Variants in FANCI observed in about 807,000 individuals in gnomAD.
FANCI encodes Fanconi anemia group I protein.
In FANCI, 156 loss-of-function variants were observed where a neutral mutation model predicts 176.1. The observed-to-expected ratio is 0.89, with a 90% CI of 0.78 to 1.01. The LOEUF (loss-of-function observed/expected upper bound fraction) is 1.01. Ranked by LOEUF, FANCI falls within the 50% of genes least tolerant of loss-of-function variation. The probability of loss-of-function intolerance (pLI) is 0.00; values close to 1 mark genes in which losing one functional copy is unlikely to be tolerated. For missense variants in FANCI, 1,678 were observed against 1,534.1 expected, an observed-to-expected ratio of 1.09 and a Z score of -1.57; for synonymous variants, 613 against 541.7, an observed-to-expected ratio of 1.13 and a Z score of -1.83.
intron 18 of FANCI, among the ~76,000 whole-genome samples, chr15:89,288,879 G>A (rs896354309): frequency 3.3e-5 from 5 of 151,692 alleles, no homozygotes; most frequent in African/African-American, 1.2e-4. Flanking sequence ...GGCTTCAAGC[G>A]ATCCTCCTGC....
chr15:89,272,228 T>C (rs2053227296), intron 10 of FANCI, among the ~76,000 whole-genome samples: 1 of 152,248 alleles, frequency 6.6e-6, no homozygotes, highest in Admixed American at 6.5e-5. Flanking sequence ...CATGTGCTCA[T>C]TAACTGTTCT....
chr15:89,282,422 TA>T (rs2053649485), intron 16 of FANCI: 1 of 163,120 alleles, frequency 6.1e-6, no homozygotes, highest in Non-Finnish European at 1.4e-5. Context: ...CTTTATTTCT[TA>T]GTATATAAGC....
chr15:89,283,822 G>A (rs942435719), intron 17 of FANCI, among the ~76,000 whole-genome samples: 3 of 150,772 alleles, frequency 2.0e-5, no homozygotes, highest in Non-Finnish European at 2.9e-5. Context: ...GCGCGATCTC[G>A]GCTCACTGCA....
chr15:89,292,392 A>C (rs2054101885), intron 20 of FANCI, among the ~76,000 whole-genome samples: 1 of 152,202 alleles, frequency 6.6e-6, no homozygotes, highest in Non-Finnish European at 1.5e-5. Flanking sequence ...TGAACTAGAG[A>C]AGATTTAACT....
chr15:89,280,931 CCTTT>C (rs752415044), intron 14 of FANCI, among the ~76,000 whole-genome samples: 12 of 152,106 alleles, frequency 7.9e-5, no homozygotes, highest in Non-Finnish European at 1.8e-4. Flanking sequence ...TCGGTTTCTT[CCTTT>C]CTTTTAGGCA....
chr15:89,314,849 C>CTTTTTTTT, intron 36 of FANCI, 142 bp downstream of exon 36: 1 of 362,080 alleles, frequency 2.8e-6, no homozygotes, highest in Admixed American at 4.6e-5. Context: ...CCCCCCCCCC[C>CTTTTTTTT]TTTTTTTTTT....
rs2054737224 is a variant in FANCI at position 89,306,742 on chromosome 15, T to A, written c.3537+548T>A. 3.3e-5 allele frequency among the ~76,000 whole-genome samples: 5 copies of A among 152,126 alleles called. No individual in the cohort carries two copies. The South Asian group carries it at 1.0e-3, about 32-fold the overall frequency. ...TCTGCTTTTGGAGGCCCTTAATTCTTTGGCATGTATGTGGCACCTGATTGA... is the reference window on the plus strand; with the variant it reads ...TCTGCTTTTGGAGGCCCTTAATTCTATGGCATGTATGTGGCACCTGATTGA... On this transcript the variant is annotated intron_variant, in intron 32 of 37. Coordinates refer to ENST00000310775, the MANE Select transcript of FANCI (RefSeq NM_001113378.2).
chr15:89,266,388 G>A (rs1244861097), intron 9 of FANCI, among the ~76,000 whole-genome samples: 1 of 148,708 alleles, frequency 6.7e-6, no homozygotes, highest in Non-Finnish European at 1.5e-5. Flanking sequence ...GAGTACATTG[G>A]CATGATGTCA....
chr15:89,282,981 A>G, intron 16 of FANCI, 155 bp from the exon 17 acceptor site: 1 of 747,322 alleles, frequency 1.3e-6, no homozygotes, highest in Admixed American at 2.1e-5. Context: ...AACAGCTGAT[A>G]CCTTATTTTG....
At chr15:89,250,240 C>G (rs978677311) in intron 2 of FANCI, among the ~76,000 whole-genome samples, 13 of 152,154 alleles carry the variant, frequency 8.5e-5, no homozygotes, top group Non-Finnish European at 1.6e-4. Context: ...AAGACACATT[C>G]ACACGTATGT....
At position 89,295,060 on chromosome 15, in the gene FANCI, G is replaced by C. The variant is rs1384613419; in HGVS notation, c.2602G>C (p.Glu868Gln). Reference sequence around the variant, plus strand: ...GAGTGGCCCTGATGGCCAAAACCCAGAAAAGATCTTTCAGAACCTCTGTGA... The same window carrying C: ...GAGTGGCCCTGATGGCCAAAACCCACAAAAGATCTTTCAGAACCTCTGTGA... ...HVSGPDGQNP[E>Q]KIFQNLCDIT... The change falls in exon 24 of 38, where the codon GAA (glutamate) becomes CAA (glutamine). Residue 868 changes from glutamate to glutamine, a missense_variant. Around this residue, in one of 3 missense-constraint regions of FANCI, gnomAD observed 1,204 missense variants for 1,077.4 expected, o/e 1.12. Transcript: ENST00000310775. 3.2e-6 allele frequency: 5 copies of C among 1,551,820 alleles called. No homozygotes were observed. The East Asian group carries it at 1.2e-4, about 38-fold the overall frequency.
intron 6 of FANCI, among the ~76,000 whole-genome samples, chr15:89,262,122 G>A (rs187618539): frequency 1.3e-5 from 2 of 152,246 alleles, no homozygotes; most frequent in East Asian, 3.9e-4. Context: ...GCAATTTAGT[G>A]TGTTAAGATA....
chr15:89,296,938 CCCGGACGGGGCGGCTGG>C (rs1287770150), intron 24 of FANCI, among the ~76,000 whole-genome samples: 2 of 148,034 alleles, frequency 1.4e-5, no homozygotes, highest in Admixed American at 6.6e-5. Context: ...CCACCTCCCT[CCCGGACGGGGCGGCTGG>C]CCGGGCGGGG....
At position 89,247,639 on chromosome 15, in the gene FANCI, T is replaced by C. The variant is rs754320467; in HGVS notation, c.-9T>C. The C allele has an allele frequency of 7.4e-6, 12 of 1,612,734 alleles. No homozygotes were observed. Among genetic ancestry groups the C allele is most frequent in the Middle Eastern group, 1.6e-4 (1 of 6,078 alleles). ...GTTTTTCCCTTGTAGTTCTGTGATA[T>C]GAGCAACAATGGACCAGAAGATTTT... On this transcript the variant is annotated 5_prime_UTR_variant, in exon 2 of 38. The change abolishes an upstream ATG in the 5' untranslated region. Transcript: ENST00000310775.
intron 19 of FANCI, 47 bp downstream of exon 19, chr15:89,290,328 C>A: frequency 7.1e-7 from 1 of 1,415,928 alleles, no homozygotes; most frequent in Non-Finnish European, 1.0e-6. Flanking sequence ...CATCAAGGAT[C>A]GAGAGACAGT....
intron 13 of FANCI, among the ~76,000 whole-genome samples, chr15:89,277,523 G>T (rs1280554454): frequency 6.7e-6 from 1 of 149,706 alleles, no homozygotes; most frequent in Non-Finnish European, 1.5e-5. Flanking sequence ...GACTGAGGTG[G>T]ATCACTTGAG....
In FANCI at chr15:89,316,832, AAGAT is replaced by A. The variant is rs1361303371; in HGVS notation, c.*376_*379del. 1.2e-6 allele frequency: 2 copies of A among 1,610,736 alleles called. No homozygotes were observed. The highest frequency in any genetic ancestry group is 1.7e-6 in the Non-Finnish European group (2 of 1,176,898). On this transcript the variant is annotated 3_prime_UTR_variant, in exon 38 of 38. Coordinates refer to ENST00000310775, the MANE Select transcript of FANCI (RefSeq NM_001113378.2). ...GGTAAATATCCAGCGCTTCACCTGA[AAGAT>A]AGTGCAAATTGGTTAGGATGCCACC... is the stretch of plus-strand genomic sequence containing the variant.
At chr15:89,309,048 T>C (rs114846980) in intron 34 of FANCI, among the ~76,000 whole-genome samples, 267 of 152,288 alleles carry the variant, frequency 1.8e-3, no homozygotes, top group African/African-American at 6.3e-3. Context: ...CTCTGTCACC[T>C]TGCCTTTGTA....
intron 2 of FANCI, among the ~76,000 whole-genome samples, chr15:89,250,639 G>A (rs1353931313): frequency 2.0e-5 from 3 of 151,546 alleles, no homozygotes; most frequent in East Asian, 3.9e-4. Context: ...GCACATGTAC[G>A]CATATGTAAC....
Sources: allele counts gnomAD v4.1 joint callset (sites outside exome capture counted in the v4.1 genomes callset), GRCh38; gene constraint gnomAD v4.1.1; regional missense constraint gnomAD v4.1.1; transcripts MANE v1.5; gene names NCBI Gene and HGNC (gene_info 2026-07-23, HGNC 2026-07-21).